The following SMCHD1 variants were observed in gnomAD, a reference collection of about 807,000 sequenced individuals.
The protein encoded by SMCHD1 is structural maintenance of chromosomes flexible hinge domain containing 1, also known as structural maintenance of chromosomes flexible hinge domain-containing protein 1.
A neutral mutation model predicts 254.7 loss-of-function variants in SMCHD1; 78 were observed. The observed-to-expected ratio is 0.31, with a 90% CI of 0.26 to 0.37. The LOEUF (loss-of-function observed/expected upper bound fraction) is 0.37, where lower values mean the gene tolerates loss of function less well. Ranked by LOEUF, SMCHD1 falls within the 10% of genes least tolerant of loss-of-function variation. SMCHD1 has a pLI of 1.00. For synonymous variants in SMCHD1, 766 were observed against 794.9 expected (o/e 0.96, Z 0.61); for missense variants, 1,840 against 2,408.1 (o/e 0.76, Z 4.94).
intron 41 of SMCHD1, 64 bp from the exon 42 acceptor site, chr18:2,775,670 A>T: frequency 5.7e-6 from 8 of 1,401,962 alleles, no homozygotes; most frequent in Middle Eastern, 2.3e-4. Context: ...TTGGGCTTTT[A>T]ACATAATATC....
At chr18:2,673,212 C>T (rs1411037519) in intron 3 of SMCHD1, 69 bp from the exon 4 acceptor site, 6 of 1,469,040 alleles carry the variant, frequency 4.1e-6, no homozygotes, top group Non-Finnish European at 5.5e-6. Context: ...ATAGTTTCTT[C>T]TTCTTTGAAC....
chr18:2,678,259 C>CGT (rs2073812176), intron 5 of SMCHD1, among the ~76,000 whole-genome samples: 28 of 134,178 alleles, frequency 2.1e-4, no homozygotes, highest in Non-Finnish European at 3.3e-4. Flanking sequence ...TTCTTTCTCT[C>CGT]TCTCTCTCTC....
At chr18:2,708,706 C>A (rs1272609949) in intron 17 of SMCHD1, among the ~76,000 whole-genome samples, 1 of 150,042 alleles carries the variant, frequency 6.7e-6, no homozygotes, top group Admixed American at 6.6e-5. Context: ...ACCTCCGCTT[C>A]CCCTGTTCAA....
chr18:2,781,475 A>G (rs573224046), intron 44 of SMCHD1, among the ~76,000 whole-genome samples: 35 of 152,292 alleles, frequency 2.3e-4, no homozygotes, highest in African/African-American at 8.2e-4. Flanking sequence ...GAATTTCACC[A>G]TTGTTTTTGA....
At chr18:2,717,389 C>T (rs559839265) in intron 17 of SMCHD1, among the ~76,000 whole-genome samples, 1 of 152,274 alleles carries the variant, frequency 6.6e-6, no homozygotes, top group South Asian at 2.1e-4. Context: ...CTCTGTTGCC[C>T]AGACTGGTAC....
At chr18:2,779,532 G>T (rs2076120555) in intron 44 of SMCHD1, among the ~76,000 whole-genome samples, 1 of 152,154 alleles carries the variant, frequency 6.6e-6, no homozygotes, top group African/African-American at 2.4e-5. Context: ...CATGTTATAG[G>T]CAGTACCCTG....
In SMCHD1 at chr18:2,740,606, A is replaced by G. The variant is rs551143758; in HGVS notation, c.3515-97A>G. 4 of 523,658 alleles carry G rather than the reference A, an allele frequency of 7.6e-6. No individual in the cohort carries two copies. In the Admixed American group the frequency reaches 1.6e-4, roughly 21 times the overall value. 32.4% of individuals were successfully genotyped at this position (523,658 alleles called of 1,614,324 possible). A position where few individuals can be genotyped will look rare whatever the true frequency, so the allele number is the denominator to read the frequency against. On this transcript the variant is annotated intron_variant, in intron 27 of 47. Coordinates refer to ENST00000320876, the MANE Select transcript of SMCHD1 (RefSeq NM_015295.3). ...ACCAAAAATTACTCAGTAAGAGAAC[A>G]AAGAGTAAGTTTCTAAGCATGTTTT...
intron 45 of SMCHD1, among the ~76,000 whole-genome samples, chr18:2,788,486 A>G (rs1289369484): frequency 2.0e-5 from 3 of 152,182 alleles, no homozygotes; most frequent in African/African-American, 7.2e-5. Context: ...GGGTTATATA[A>G]TTGGGATAAT....
At chr18:2,657,114 C>G (rs192096803) in intron 1 of SMCHD1, among the ~76,000 whole-genome samples, 1 of 152,164 alleles carries the variant, frequency 6.6e-6, no homozygotes, top group South Asian at 2.1e-4. Context: ...GTTAAGAACA[C>G]TTAGCGTCCA....
chr18:2,781,665 A>C lies in SMCHD1; in HGVS notation c.5548-2785A>C, dbSNP rs143897091. Among the ~76,000 whole-genome samples the C allele has an allele frequency of 5.8e-3, 891 of 152,316 alleles. 14 individuals carry two copies. Among genetic ancestry groups the C allele is most frequent in the African/African-American group, 0.02 (848 of 41,576 alleles). On this transcript the variant is annotated intron_variant, in intron 44 of 47. Transcript: ENST00000320876. ...AAATGAAAGTGTTGAAAATAAGAAA[A>C]GAATAAGTCAACTTGAAAAAATCAA... is the stretch of plus-strand genomic sequence containing the variant.
chr18:2,772,189 T>C, intron 40 of SMCHD1, 61 bp from the exon 41 acceptor site: 1 of 1,375,510 alleles, frequency 7.3e-7, no homozygotes, highest in Non-Finnish European at 9.4e-7. Flanking sequence ...CCACTGTCAT[T>C]ATGGGCTGCC....
chr18:2,732,165 T>G, intron 24 of SMCHD1, 100 bp from the exon 25 acceptor site: 1 of 822,674 alleles, frequency 1.2e-6, no homozygotes. Flanking sequence ...AGTATAACAA[T>G]GTATGAGATG....
At chr18:2,657,976 C>G (rs2073123384) in intron 1 of SMCHD1, among the ~76,000 whole-genome samples, 1 of 151,470 alleles carries the variant, frequency 6.6e-6, no homozygotes, top group South Asian at 2.1e-4. Flanking sequence ...ATTTTTCGTA[C>G]ATACGGGGGT....
intron 1 of SMCHD1, among the ~76,000 whole-genome samples, chr18:2,662,667 C>CAAAAAAAAAAAAAAAAAAAAAAAAAAAAA (rs745838636): frequency 1.1e-4 from 4 of 35,662 alleles, no homozygotes; most frequent in Non-Finnish European, 1.5e-4. Flanking sequence ...AACAAAAAAC[C>CAAAAAAAAAAAAAAAAAAAAAAAAAAAAA]AAAAAAAAAA....
intron 45 of SMCHD1, among the ~76,000 whole-genome samples, chr18:2,792,287 TAC>T (rs1201933391): frequency 3.3e-5 from 5 of 152,250 alleles, no homozygotes; most frequent in African/African-American, 9.6e-5. Context: ...ACCATTGTGT[TAC>T]AGTTACCTAC....
At position 2,662,192 on chromosome 18, in the gene SMCHD1, TAAATAAATAAAG is replaced by T. The variant is rs1210531935; in HGVS notation, c.187-3961_187-3950del. ...AAAAAAAAAAAATAAAATAAATAAA[TAAATAAATAAAG>T]AAAGAAAGAAAGAAAGAAAGAAAAA... On this transcript the variant is annotated intron_variant, in intron 1 of 47. Coordinates refer to ENST00000320876, the MANE Select transcript of SMCHD1 (RefSeq NM_015295.3). 6.3e-3 allele frequency among the ~76,000 whole-genome samples: 475 copies of T among 75,840 alleles called. 9 individuals are homozygous for T. The highest frequency in any genetic ancestry group is 0.057 in the African/African-American group (458 of 8,058). 49.8% of individuals were successfully genotyped at this position (75,840 alleles called of 152,430 possible). A position where few individuals can be genotyped will look rare whatever the true frequency, so the allele number is the denominator to read the frequency against.
chr18:2,763,146 C>G (rs1024302527), intron 36 of SMCHD1, among the ~76,000 whole-genome samples: 3 of 152,212 alleles, frequency 2.0e-5, no homozygotes, highest in Non-Finnish European at 4.4e-5. Flanking sequence ...CTAGACATCT[C>G]TTCTTTTCCC....
At chr18:2,668,962 ACTC>A (rs1415729998) in intron 3 of SMCHD1, among the ~76,000 whole-genome samples, 1 of 151,276 alleles carries the variant, frequency 6.6e-6, no homozygotes, top group Non-Finnish European at 1.5e-5. Flanking sequence ...GTAGCCTCGA[ACTC>A]CTAAGCTTAA....
rs749727484 is a variant in SMCHD1, at chr18:2,750,300, A to G, written c.4008-50A>G. The stretch of plus-strand genomic sequence containing the variant: ...TTGCATAAATTGTCTCAGAATTTTT[A>G]GGTTATTAACTAATGTAATTTGAAC... On this transcript the variant is annotated intron_variant, in intron 31 of 47. Transcript: ENST00000320876. The G allele has an allele frequency of 9.1e-6, 14 of 1,541,068 alleles. No individual in the cohort carries two copies. The East Asian group carries it at 2.9e-4, about 32-fold the overall frequency.
Sources: gnomAD v4.1 joint callset for allele counts (sites outside exome capture counted in the v4.1 genomes callset) on GRCh38, gnomAD v4.1.1 for gene constraint, MANE v1.5 for transcripts, NCBI Gene and HGNC (gene_info 2026-07-23, HGNC 2026-07-21) for gene names.